The following ADGRV1 variants were observed in gnomAD, a reference collection of about 807,000 sequenced individuals.
ADGRV1 encodes the protein adhesion G protein-coupled receptor V1, also known as G-protein coupled receptor 98.
In ADGRV1, 359 loss-of-function variants were observed where a neutral mutation model predicts 596.2. The ratio of observed to expected loss-of-function variants is 0.60; its 90% CI spans 0.55 to 0.66. The LOEUF (loss-of-function observed/expected upper bound fraction) is 0.66, where lower values mean the gene tolerates loss of function less well. Ranked by LOEUF, ADGRV1 falls within the 30% of genes least tolerant of loss-of-function variation. The pLI is 0.00. For synonymous variants in ADGRV1, 2,681 were observed against 2,679.2 expected (o/e 1.00, Z -0.02); for missense variants, 7,274 against 7,575.6 (o/e 0.96, Z 1.48).
At chr5:90,745,340 A>C in intron 51 of ADGRV1, 75 bp downstream of exon 51, 2 of 1,008,090 alleles carry the variant, frequency 2.0e-6, no homozygotes, top group Non-Finnish European at 2.9e-6. Context: ...CCAAGTCATT[A>C]TTTGGTGACT....
chr5:90,698,458 C>A (rs1425633504), intron 34 of ADGRV1, among the ~76,000 whole-genome samples: 2 of 152,112 alleles, frequency 1.3e-5, no homozygotes, highest in Non-Finnish European at 2.9e-5. Context: ...ATCCAAAGCC[C>A]ATGCTATATA....
intron 85 of ADGRV1, among the ~76,000 whole-genome samples, chr5:91,071,019 G>C (rs1030516824): frequency 6.6e-6 from 1 of 152,154 alleles, no homozygotes; most frequent in African/African-American, 2.4e-5. Context: ...GCAAACTCAC[G>C]CTTTCTTATT....
rs1746821636 is a variant in ADGRV1 at position 90,693,909 on chromosome 5, CTGT to C, written c.7161_7163del (p.Leu2387del). 1.3e-6 allele frequency: 2 copies of C among 1,562,756 alleles called. No homozygotes were observed. The highest frequency in any genetic ancestry group is 1.8e-4 in the Middle Eastern group (1 of 5,696). On this transcript the variant is annotated inframe_deletion, in exon 33 of 90. Coordinates refer to ENST00000405460, the MANE Select transcript of ADGRV1 (RefSeq NM_032119.4). The stretch of plus-strand genomic sequence containing the variant: ...TTTTAGCGGAGGGCACTTTGGTCGG[CTGT>C]TGTTGTTCTACAGTACTTCCGACAT...
At chr5:90,915,726 TG>T (rs940406553) in intron 83 of ADGRV1, among the ~76,000 whole-genome samples, 5 of 152,180 alleles carry the variant, frequency 3.3e-5, no homozygotes, top group African/African-American at 9.7e-5. Context: ...CCGTGGGTGC[TG>T]ATCATGCTAA....
intron 59 of ADGRV1, among the ~76,000 whole-genome samples, chr5:90,767,463 AT>A (rs1413847062): frequency 1.3e-5 from 2 of 152,192 alleles, no homozygotes; most frequent in African/African-American, 4.8e-5. Context: ...AAGAGAAAAT[AT>A]TGAAAATTGT....
rs1561395091 is a variant in ADGRV1 at position 90,619,194 on chromosome 5, T to A, written c.453+13T>A. 1.7e-6 allele frequency: 2 copies of A among 1,187,946 alleles called. No individual in the cohort carries two copies. The highest frequency in any genetic ancestry group is 3.2e-5 in the African/African-American group (2 of 63,148). The allele number at this position is 1,187,946 out of a possible 1,614,324, so 73.6% of individuals were successfully genotyped here. On this transcript the variant is annotated intron_variant, in intron 4 of 89. Coordinates refer to ENST00000405460, the MANE Select transcript of ADGRV1 (RefSeq NM_032119.4). Reference sequence around the variant, plus strand: ...TTCATTTAATATGGTATGGACACAATTTGATGATAATTGTGGTTGCTAGAT... The same window carrying A: ...TTCATTTAATATGGTATGGACACAAATTGATGATAATTGTGGTTGCTAGAT...
At chr5:91,043,989 A>C (rs1785583178) in intron 85 of ADGRV1, among the ~76,000 whole-genome samples, 1 of 152,050 alleles carries the variant, frequency 6.6e-6, no homozygotes, top group Admixed American at 6.6e-5. Flanking sequence ...CTTTTGTATA[A>C]GACTGTATAC....
intron 85 of ADGRV1, among the ~76,000 whole-genome samples, chr5:91,009,700 T>C (rs1475767520): frequency 6.6e-6 from 1 of 152,050 alleles, no homozygotes; most frequent in African/African-American, 2.4e-5. Context: ...TTGCAGTAGC[T>C]AAAGAGAAAT....
rs144686880 is a variant in ADGRV1, at chr5:90,749,956, A to G, written c.10975-595A>G. Among the ~76,000 whole-genome samples the G allele has an allele frequency of 1.2e-4, 18 of 152,350 alleles. No homozygotes were observed. The East Asian group carries it at 3.1e-3, about 26-fold the overall frequency. On this transcript the variant is annotated intron_variant, in intron 52 of 89. Coordinates refer to ENST00000405460, the MANE Select transcript of ADGRV1 (RefSeq NM_032119.4). ...ATGAGCTAAGGATGAAACACCATCA[A>G]AGGAGGCAGAAGAGCCCACAGAAAC...
intron 42 of ADGRV1, among the ~76,000 whole-genome samples, chr5:90,713,056 T>A (rs1180164054): frequency 6.6e-6 from 1 of 152,094 alleles, no homozygotes; most frequent in Admixed American, 6.5e-5. Context: ...GAAGGGCTCT[T>A]AAAAAGTCAC....
intron 83 of ADGRV1, among the ~76,000 whole-genome samples, chr5:90,950,192 T>C (rs766772710): frequency 6.6e-6 from 1 of 152,194 alleles, no homozygotes; most frequent in Non-Finnish European, 1.5e-5. Flanking sequence ...TTAAGATATA[T>C]TAGTATATCT....
At chr5:91,141,751 G>A (rs1327168034) in intron 87 of ADGRV1, among the ~76,000 whole-genome samples, 17 of 152,172 alleles carry the variant, frequency 1.1e-4, no homozygotes, top group Admixed American at 1.1e-3. Flanking sequence ...CAAAACAGCA[G>A]TAGGTCAGCA....
At chr5:90,764,830 C>T (rs1756919495) in intron 59 of ADGRV1, among the ~76,000 whole-genome samples, 1 of 152,144 alleles carries the variant, frequency 6.6e-6, no homozygotes, top group African/African-American at 2.4e-5. Context: ...ATGGCACCCT[C>T]CATCTCATTT....
At chr5:90,659,918 G>C (rs1442375465) in intron 21 of ADGRV1, among the ~76,000 whole-genome samples, 2 of 152,126 alleles carry the variant, frequency 1.3e-5, no homozygotes, top group Non-Finnish European at 2.9e-5. Flanking sequence ...TGTAGTGCCA[G>C]CTACTCGTGA....
At chr5:90,991,471 G>A (rs1263015614) in intron 85 of ADGRV1, among the ~76,000 whole-genome samples, 3 of 152,066 alleles carry the variant, frequency 2.0e-5, no homozygotes, top group Non-Finnish European at 4.4e-5. Context: ...AATTTGTAGA[G>A]ACAAGGTCTT....
intron 85 of ADGRV1, among the ~76,000 whole-genome samples, chr5:91,016,904 G>A (rs1783216667): frequency 6.6e-6 from 1 of 151,846 alleles, no homozygotes; most frequent in African/African-American, 2.4e-5. Context: ...AAGCTAATGA[G>A]GGAACAGAGA....
intron 85 of ADGRV1, chr5:91,031,241 C>T (rs963103329): frequency 1.9e-6 from 3 of 1,589,890 alleles, no homozygotes; most frequent in Non-Finnish European, 2.6e-6. Context: ...AGGGGCTCCT[C>T]AGGTTGCTGT....
intron 45 of ADGRV1, among the ~76,000 whole-genome samples, chr5:90,724,112 CAT>C (rs1751446065): frequency 6.6e-6 from 1 of 151,934 alleles, no homozygotes; most frequent in Non-Finnish European, 1.5e-5. Flanking sequence ...AACCAAATAT[CAT>C]ATTTCTATAA....
chr5:90,833,138 A>G (rs1764658395), intron 77 of ADGRV1, among the ~76,000 whole-genome samples: 1 of 152,082 alleles, frequency 6.6e-6, no homozygotes, highest in Admixed American at 6.6e-5. Flanking sequence ...GAAGAATGTC[A>G]TTGGCATTTT....
Sources: allele counts gnomAD v4.1 joint callset (sites outside exome capture counted in the v4.1 genomes callset), GRCh38; gene constraint gnomAD v4.1.1; transcripts MANE v1.5; gene names NCBI Gene and HGNC (gene_info 2026-07-23, HGNC 2026-07-21).